Variants in NTM observed in about 807,000 individuals in gnomAD.
NTM encodes IgLON family member 2.
In NTM, 13 loss-of-function variants were observed where a neutral mutation model predicts 42.1. The observed-to-expected ratio is 0.31, with a 90% CI of 0.20 to 0.49. NTM has a LOEUF of 0.49. Among genes scored for constraint, NTM ranks in the 20% least tolerant of loss-of-function variants. NTM has a pLI of 0.99. For synonymous variants in NTM, 187 were observed against 179.2 expected (o/e 1.04, Z -0.35); for missense variants, 373 against 452.8 (o/e 0.82, Z 1.60).
intron 3 of NTM, among the ~76,000 whole-genome samples, chr11:132,187,371 A>T (rs2138179393): frequency 6.6e-6 from 1 of 152,258 alleles, no homozygotes; most frequent in South Asian, 2.1e-4. Flanking sequence ...GTTCTGTTTT[A>T]GTTAGCACCA....
intron 1 of NTM, among the ~76,000 whole-genome samples, chr11:131,645,078 A>G (rs1191593172): frequency 6.6e-6 from 1 of 152,026 alleles, no homozygotes. Flanking sequence ...CCCTGACCAG[A>G]CTCTAGGCCC....
intron 1 of NTM, chr11:131,537,197 A>AAT (rs1342925193): frequency 2.0e-5 from 3 of 151,904 alleles, no homozygotes; most frequent in African/African-American, 7.2e-5. Context: ...AAAAAAAAAA[A>AAT]AAAACAATTG....
intron 2 of NTM, among the ~76,000 whole-genome samples, chr11:132,032,066 A>G (rs967893156): frequency 1.3e-5 from 2 of 152,164 alleles, no homozygotes; most frequent in African/African-American, 4.8e-5. Context: ...TGTTCTGACC[A>G]AAGTTCTCAC....
At chr11:132,289,921 T>TTGTTTTGTTC (rs1373952775) in intron 4 of NTM, among the ~76,000 whole-genome samples, 1 of 152,224 alleles carries the variant, frequency 6.6e-6, no homozygotes, top group Non-Finnish European at 1.5e-5. Context: ...GAGTTTTTGT[T>TTGTTTTGTTC]TGTTTTGTTC....
intron 2 of NTM, 120 bp downstream of exon 2, chr11:131,911,768 G>A (rs2055083455): frequency 3.2e-6 from 4 of 1,269,046 alleles, no homozygotes; most frequent in African/African-American, 2.9e-5. Context: ...TGGTTCCCTG[G>A]GCTGCACAAT....
chr11:131,517,017 TG>T (rs2048978009), intron 1 of NTM, among the ~76,000 whole-genome samples: 1 of 152,170 alleles, frequency 6.6e-6, no homozygotes, highest in African/African-American at 2.4e-5. Context: ...GGGTCACCAA[TG>T]GGAGTGGCTC....
intron 2 of NTM, among the ~76,000 whole-genome samples, chr11:132,072,097 A>T (rs1389429551): frequency 2.6e-5 from 4 of 152,170 alleles, no homozygotes; most frequent in African/African-American, 4.8e-5. Flanking sequence ...CAATGACTCG[A>T]TAGAGGAAGT....
intron 2 of NTM, among the ~76,000 whole-genome samples, chr11:132,075,411 A>G (rs2136213006): frequency 6.6e-6 from 1 of 152,358 alleles, no homozygotes; most frequent in South Asian, 2.1e-4. Flanking sequence ...ATTTTTGGTG[A>G]CTCACCATTA....
intron 4 of NTM, among the ~76,000 whole-genome samples, chr11:132,294,868 T>G (rs904105689): frequency 1.3e-5 from 2 of 152,144 alleles, no homozygotes; most frequent in African/African-American, 4.8e-5. Context: ...ACCTAATTGA[T>G]GATGACATAA....
intron 1 of NTM, among the ~76,000 whole-genome samples, chr11:131,793,879 T>C (rs1226836646): frequency 1.3e-5 from 2 of 152,170 alleles, no homozygotes; most frequent in Non-Finnish European, 2.9e-5. Context: ...TTCAGGTCAT[T>C]TCTATACCAA....
chr11:132,240,496 C>T (rs2090007061), intron 4 of NTM, among the ~76,000 whole-genome samples: 1 of 152,204 alleles, frequency 6.6e-6, no homozygotes, highest in South Asian at 2.1e-4. Flanking sequence ...CTGGGCATTA[C>T]TAACTTGACT....
At chr11:131,899,167 G>A (rs1226724703) in intron 1 of NTM, among the ~76,000 whole-genome samples, 1 of 129,234 alleles carries the variant, frequency 7.7e-6, no homozygotes, top group Non-Finnish European at 1.6e-5. Context: ...AAATTCAGAG[G>A]CAGTGTACAA....
chr11:131,897,713 T>G (rs2052525073), intron 1 of NTM, among the ~76,000 whole-genome samples: 2 of 152,186 alleles, frequency 1.3e-5, no homozygotes, highest in Non-Finnish European at 2.9e-5. Context: ...CCTGGGAAAC[T>G]CTAGGATTCC....
intron 3 of NTM, among the ~76,000 whole-genome samples, chr11:132,162,522 TG>T (rs1177297227): frequency 7.0e-6 from 1 of 142,098 alleles, no homozygotes; most frequent in African/African-American, 2.6e-5. Context: ...TGTGTGTTTG[TG>T]GGGGGAGTGT....
At chr11:131,424,870 T>A (rs1358786365) in intron 1 of NTM, among the ~76,000 whole-genome samples, 1 of 142,696 alleles carries the variant, frequency 7.0e-6, no homozygotes, top group African/African-American at 2.6e-5. Context: ...CGCCCAGCTT[T>A]TTTTTTTTTT....
At position 131,832,769 on chromosome 11, in the gene NTM, T is replaced by C. The variant is rs1234519211; in HGVS notation, c.83-78795T>C. ...ACATTGGAGATAAACTGAGGGAAGG[T>C]GTATGTGTATATGTATGTACGTGCA... On this transcript the variant is annotated intron_variant, in intron 1 of 8. Transcript: ENST00000683400. Among the ~76,000 whole-genome samples, 16 of 152,290 alleles carry C rather than the reference T, an allele frequency of 1.1e-4. No individual in the cohort carries two copies. In the East Asian group the frequency reaches 2.5e-3, roughly 24 times the overall value.
At chr11:131,485,824 T>G (rs768981242) in intron 1 of NTM, among the ~76,000 whole-genome samples, 6 of 152,058 alleles carry the variant, frequency 3.9e-5, no homozygotes, top group Non-Finnish European at 8.8e-5. Context: ...TTACCTCCAG[T>G]GTTGAATGCA....
At chr11:131,860,265 C>T (rs2046499081) in intron 1 of NTM, among the ~76,000 whole-genome samples, 1 of 152,220 alleles carries the variant, frequency 6.6e-6, no homozygotes, top group Non-Finnish European at 1.5e-5. Flanking sequence ...ACTCAGCACA[C>T]AGTGCTGCTC....
At chr11:131,719,670 G>T (rs1239254320) in intron 1 of NTM, among the ~76,000 whole-genome samples, 2 of 152,118 alleles carry the variant, frequency 1.3e-5, no homozygotes, top group African/African-American at 4.8e-5. Flanking sequence ...CTACATATTT[G>T]CTAAGTGTGG....
Sources: allele counts gnomAD v4.1 joint callset (sites outside exome capture counted in the v4.1 genomes callset), GRCh38; gene constraint gnomAD v4.1.1; transcripts MANE v1.5; gene names NCBI Gene and HGNC (gene_info 2026-07-23, HGNC 2026-07-21).